ROBO2: variants seen among roughly 807,000 people sequenced by gnomAD.
ROBO2 encodes the protein roundabout homolog 2.
In ROBO2, 53 loss-of-function variants were observed where a neutral mutation model predicts 160.8. The ratio of observed to expected loss-of-function variants is 0.33; its 90% confidence interval spans 0.26 to 0.41. The LOEUF is 0.41. Among genes scored for constraint, ROBO2 ranks in the 10% least tolerant of loss-of-function variants. The pLI, the probability that ROBO2 is intolerant of heterozygous loss-of-function variation, is 1.00. For synonymous variants in ROBO2, 664 were observed against 611.7 expected, an observed-to-expected ratio of 1.09 and a Z score of -1.26; for missense variants, 1,577 against 1,722.4, an observed-to-expected ratio of 0.92 and a Z score of 1.49.
chr3:77,218,883 A>G (rs1274139517), intron 2 of ROBO2, among the ~76,000 whole-genome samples: 2 of 152,194 alleles, frequency 1.3e-5, no homozygotes, highest in Non-Finnish European at 2.9e-5. Flanking sequence ...AACACAGCAC[A>G]TTGAAAGTAT....
At chr3:76,798,315 AAAAGAACGAAT>A (rs1333184285) in intron 2 of ROBO2, among the ~76,000 whole-genome samples, 34 of 146,424 alleles carry the variant, frequency 2.3e-4, no homozygotes, top group African/African-American at 8.4e-4. Flanking sequence ...AAAGAAAGAA[AAAAGAACGAAT>A]GAACTAAAGG....
At chr3:75,992,673 G>C (rs1425030331) in intron 2 of ROBO2, among the ~76,000 whole-genome samples, 1 of 152,174 alleles carries the variant, frequency 6.6e-6, no homozygotes, top group Non-Finnish European at 1.5e-5. Flanking sequence ...CCAGAACTCA[G>C]AATGGTAGAT....
intron 2 of ROBO2, among the ~76,000 whole-genome samples, chr3:76,783,220 T>C (rs1489211403): frequency 6.6e-6 from 1 of 150,942 alleles, no homozygotes; most frequent in Non-Finnish European, 1.5e-5. Context: ...ATATGGTGTA[T>C]GCATTAAGTA....
In ROBO2 at chr3:76,026,874, T is replaced by C. The variant is rs60924736; in HGVS notation, c.109+89272T>C. ...ATTTGAGTGAAAAGGGCCAAGTCAT[T>C]TGGGGAAGACATTTTGGACTGCCTC... On this transcript the variant is annotated intron_variant, in intron 2 of 26. Transcript: ENST00000487694. Among the ~76,000 whole-genome samples the C allele has an allele frequency of 7.1e-3, 1,080 of 151,840 alleles. 14 individuals are homozygous for C. Among genetic ancestry groups the C allele is most frequent in the African/African-American group, 0.025 (1,023 of 41,478 alleles).
At chr3:77,040,575 A>G in exon 1 of ROBO2, 1 of 1,427,424 alleles carries the variant, frequency 7.0e-7, no homozygotes, top group Non-Finnish European at 9.1e-7. Context: ...CCTTTGAAGT[A>G]CCCTCTGTTA....
At chr3:76,108,927 G>A (rs1011608737) in intron 2 of ROBO2, among the ~76,000 whole-genome samples, 1 of 151,066 alleles carries the variant, frequency 6.6e-6, no homozygotes, top group African/African-American at 2.4e-5. Flanking sequence ...TACTATTAAT[G>A]TATTGATTTT....
chr3:76,581,206 T>G (rs1441279501), intron 2 of ROBO2, among the ~76,000 whole-genome samples: 1 of 152,168 alleles, frequency 6.6e-6, no homozygotes, highest in African/African-American at 2.4e-5. Flanking sequence ...TGCTGATTTG[T>G]ATAGTATAAG....
At chr3:77,603,560 T>A (rs577302160) in intron 20 of ROBO2, among the ~76,000 whole-genome samples, 13 of 152,330 alleles carry the variant, frequency 8.5e-5, no homozygotes, top group Non-Finnish European at 1.8e-4. Context: ...GGGAAATTAA[T>A]ATTTAATTTC....
chr3:76,401,931 T>C (rs1279471206), intron 2 of ROBO2, among the ~76,000 whole-genome samples: 1 of 151,574 alleles, frequency 6.6e-6, no homozygotes, highest in Admixed American at 6.6e-5. Context: ...GAAATGTTTA[T>C]ATAAATTCTC....
intron 2 of ROBO2, among the ~76,000 whole-genome samples, chr3:77,238,258 T>A (rs1007837787): frequency 6.6e-6 from 1 of 152,212 alleles, no homozygotes; most frequent in Non-Finnish European, 1.5e-5. Flanking sequence ...CAATTTTTTA[T>A]TTCCTAGATC....
At chr3:76,929,669 G>A (rs564938260) in intron 2 of ROBO2, among the ~76,000 whole-genome samples, 1 of 152,316 alleles carries the variant, frequency 6.6e-6, no homozygotes, top group South Asian at 2.1e-4. Context: ...GCATCTCAGG[G>A]AAGAAGAGAC....
At chr3:76,724,081 C>T (rs2093508792) in intron 2 of ROBO2, among the ~76,000 whole-genome samples, 2 of 152,322 alleles carry the variant, frequency 1.3e-5, no homozygotes, top group South Asian at 4.1e-4. Flanking sequence ...CTACCTCTGA[C>T]ATCATGAATT....
chr3:77,596,721 C>T, exon 19 of ROBO2: 2 of 1,613,700 alleles, frequency 1.2e-6, no homozygotes, highest in Middle Eastern at 1.7e-4. Context: ...AACAGTGGCC[C>T]AAATGAGATT....
At chr3:77,316,911 G>A in intron 2 of ROBO2, 1 of 1,184,198 alleles carries the variant, frequency 8.4e-7, no homozygotes, top group South Asian at 1.2e-5. Context: ...TGGAGAAGCA[G>A]GCATGAGGGT....
chr3:76,200,895 A>G lies in ROBO2; in HGVS notation c.109+263293A>G, dbSNP rs1467775412. Among the ~76,000 whole-genome samples, 4 of 152,200 alleles carry G rather than the reference A, an allele frequency of 2.6e-5. No homozygotes were observed. In the South Asian group the frequency reaches 6.2e-4, roughly 24 times the overall value. On this transcript the variant is annotated intron_variant, in intron 2 of 26. Transcript: ENST00000487694. ...GATTTGGACCCCTTACAAAACTAGC[A>G]TGTGGGTTCTTGAGTTATTAATTGA...
chr3:76,425,384 C>T (rs749369944), intron 2 of ROBO2, among the ~76,000 whole-genome samples: 7 of 152,034 alleles, frequency 4.6e-5, no homozygotes, highest in Non-Finnish European at 1.0e-4. Flanking sequence ...AATCTAGCAA[C>T]TCTACCCATG....
intron 2 of ROBO2, among the ~76,000 whole-genome samples, chr3:76,440,827 T>A (rs2109113580): frequency 6.6e-6 from 1 of 152,160 alleles, no homozygotes; most frequent in African/African-American, 2.4e-5. Flanking sequence ...AGTAGGTGAG[T>A]GCTGACTAAA....
At chr3:77,375,451 T>C in intron 2 of ROBO2, among the ~76,000 whole-genome samples, 1 of 152,228 alleles carries the variant, frequency 6.6e-6, no homozygotes, top group South Asian at 2.1e-4. Flanking sequence ...TTTTAGTGCT[T>C]TCCAAATGAT....
intron 2 of ROBO2, among the ~76,000 whole-genome samples, chr3:76,889,242 T>A (rs2148805558): frequency 6.6e-6 from 1 of 152,318 alleles, no homozygotes; most frequent in South Asian, 2.1e-4. Context: ...AAAAGCTGAT[T>A]TTTAAGTCTT....
Sources: allele counts gnomAD v4.1 joint callset (sites outside exome capture counted in the v4.1 genomes callset), GRCh38; gene constraint gnomAD v4.1.1; transcripts MANE v1.5; gene names NCBI Gene and HGNC (gene_info 2026-07-23, HGNC 2026-07-21).